PLEKHA6: variants seen among roughly 807,000 people sequenced by gnomAD.
PLEKHA6 encodes the protein pleckstrin homology domain containing A6.
In PLEKHA6, 60 loss-of-function variants were observed where a neutral mutation model predicts 116.7. The observed-to-expected ratio is 0.51, with a 90% CI of 0.42 to 0.64. The LOEUF (loss-of-function observed/expected upper bound fraction) is 0.64, where lower values mean the gene tolerates loss of function less well. PLEKHA6 is among the 30% of genes least tolerant of loss of function. The probability of loss-of-function intolerance (pLI) is 0.00; values close to 1 mark genes in which losing one functional copy is unlikely to be tolerated. For missense variants in PLEKHA6, 1,338 were observed against 1,422.7 expected (o/e 0.94, Z 0.96); for synonymous variants, 489 against 556.1 (o/e 0.88, Z 1.70).
At chr1:204,328,398 T>C (rs745566450) in intron 1 of PLEKHA6, among the ~76,000 whole-genome samples, 9 of 148,020 alleles carry the variant, frequency 6.1e-5, no homozygotes, top group South Asian at 2.1e-4. Flanking sequence ...CAATTTTCTT[T>C]CTTTTTTTTT....
At chr1:204,292,493 C>G (rs1669868649) in intron 1 of PLEKHA6, among the ~76,000 whole-genome samples, 1 of 152,000 alleles carries the variant, frequency 6.6e-6, no homozygotes, top group Non-Finnish European at 1.5e-5. Flanking sequence ...GTCCCTCACC[C>G]TGGCTGATAC....
Position 204,274,742 on chromosome 1 carries a change from A to AT in PLEKHA6, c.-28dup. 1 of 985,858 alleles carries AT rather than the reference A, an allele frequency of 1.0e-6. No individual in the cohort carries two copies. The highest frequency in any genetic ancestry group is 1.2e-6 in the Non-Finnish European group (1 of 829,970). 61.1% of individuals were successfully genotyped at this position (985,858 alleles called of 1,614,324 possible). On this transcript the variant is annotated 5_prime_UTR_variant, in exon 2 of 23. Coordinates refer to ENST00000272203, the MANE Select transcript of PLEKHA6 (RefSeq NM_014935.5). ...GGACACACTTACATTTTCAAGTCAA[A>AT]TTTTTTGTTTTCCTCTGGGACCTGG...
At position 204,365,453 on chromosome 1, in the gene PLEKHA6, T is replaced by C. The variant is rs78539215; in HGVS notation, c.218+2346A>G. ...GGTTGAGAGATATTTGGGAGGAGAA[T>C]TGACAGGACCCATGGGGGAGGCATG... On this transcript the variant is annotated intron_variant, in intron 3 of 4. Coordinates refer to the PLEKHA6 transcript ENST00000564627. Among the ~76,000 whole-genome samples the C allele has an allele frequency of 5.0e-3, 760 of 151,992 alleles. 21 individuals carry two copies. In the East Asian group the frequency reaches 0.07, roughly 14 times the overall value.
At chr1:204,280,396 G>C in intron 1 of PLEKHA6, 1 of 985,274 alleles carries the variant, frequency 1.0e-6, no homozygotes, top group Non-Finnish European at 1.2e-6. Context: ...ACCCCACTGT[G>C]ATCAATATTG....
At chr1:204,335,810 G>A (rs997384526) in intron 1 of PLEKHA6, among the ~76,000 whole-genome samples, 2 of 152,108 alleles carry the variant, frequency 1.3e-5, no homozygotes, top group Admixed American at 1.3e-4. Flanking sequence ...CATGTGGCAT[G>A]GGCAGGGCAC....
At chr1:204,286,498 C>A (rs1449192676) in intron 1 of PLEKHA6, among the ~76,000 whole-genome samples, 2 of 152,126 alleles carry the variant, frequency 1.3e-5, no homozygotes, top group Non-Finnish European at 2.9e-5. Flanking sequence ...ATAAGTGACA[C>A]CTGAGTAACA....
At position 204,345,822 on chromosome 1, in the gene PLEKHA6, C is replaced by T. The variant is rs950880029; in HGVS notation, c.-95+13872G>A. On this transcript the variant is annotated intron_variant, in intron 1 of 22. Transcript: ENST00000272203. ...CTCCTTTCTCTGCTGAGTCACTTGA[C>T]CTTAATGGTAAGAGACCAGAAGCCC... Among the ~76,000 whole-genome samples the T allele has an allele frequency of 2.0e-5, 3 of 152,194 alleles. No homozygotes were observed. In the South Asian group the frequency reaches 6.2e-4, roughly 31 times the overall value.
rs1233345118 is a variant in PLEKHA6 at position 204,248,984 on chromosome 1, G to A, written c.1675-14C>T. On this transcript the variant is annotated splice_polypyrimidine_tract_variant and intron_variant, in intron 11 of 22. Coordinates refer to ENST00000272203, the MANE Select transcript of PLEKHA6 (RefSeq NM_014935.5). ...TTCCAGGCTCTCCTGAAGAAAGGCA[G>A]GGGAATGACATGAGCAGCCCTGACA... 1.9e-6 allele frequency: 3 copies of A among 1,613,314 alleles called. No individual in the cohort carries two copies. The African/African-American group carries it at 4.0e-5, about 21-fold the overall frequency.
chr1:204,250,672 A>G (rs1258793148), intron 9 of PLEKHA6, 58 bp from the exon 10 acceptor site: 1 of 1,174,786 alleles, frequency 8.5e-7, no homozygotes. Flanking sequence ...ATGCAGGGAT[A>G]GGAAGCTAAC....
chr1:204,290,758 G>A (rs1393358028), intron 1 of PLEKHA6, among the ~76,000 whole-genome samples: 2 of 152,188 alleles, frequency 1.3e-5, no homozygotes, highest in East Asian at 3.8e-4. Flanking sequence ...CGGGTGCCAA[G>A]GTGGGGAGAT....
chr1:204,245,635 G>A lies in PLEKHA6; in HGVS notation c.2012C>T (p.Thr671Met), dbSNP rs767397527. The change falls in exon 14 of 23, where the codon ACG becomes ATG. Residue 671 changes from threonine (T) to methionine (M), a missense_variant. Physicochemically the swap from Thr to Met is moderately conservative, Grantham distance 81. Around this residue, in one of 3 missense-constraint regions of PLEKHA6, gnomAD observed 1,136 missense variants for 1,163.6 expected, o/e 0.98. Coordinates refer to ENST00000272203, the MANE Select transcript of PLEKHA6 (RefSeq NM_014935.5). ...GLRKNNPSRG[T>M]DTAKHRGGLG... ...CCCACCTCTGTGCTTGGCGGTGTCC[G>A]TGCCCCGGGAGGGGTTGTTCTTCCT... is the stretch of plus-strand genomic sequence containing the variant. 15 of 1,611,242 alleles carry A rather than the reference G, an allele frequency of 9.3e-6. No individual in the cohort carries two copies. The highest frequency in any genetic ancestry group is 3.3e-4 in the Middle Eastern group (2 of 6,078).
At position 204,372,913 on chromosome 1, in the gene PLEKHA6, C is replaced by CT. The variant is rs58973900; in HGVS notation, c.84-1308dup. ...CAATCATACATCTTTCCCTGAAAAA[C>CT]TTTTTTTTTTTTTTTTGACGGTCTC... is the stretch of plus-strand genomic sequence containing the variant. On this transcript the variant is annotated intron_variant, in intron 1 of 4. Transcript: ENST00000564627. 9.8e-5 allele frequency among the ~76,000 whole-genome samples: 13 copies of CT among 132,588 alleles called. 1 individual carries two copies. The South Asian group carries it at 9.8e-4, about 10-fold the overall frequency. The allele number at this position is 132,588 out of a possible 152,430, so 87.0% of individuals were successfully genotyped here. A position where few individuals can be genotyped will look rare whatever the true frequency, so the allele number is the denominator to read the frequency against.
In PLEKHA6 at chr1:204,265,366, C is replaced by T. The variant is rs570693988; in HGVS notation, c.281-324G>A. On this transcript the variant is annotated intron_variant, in intron 5 of 22. Coordinates refer to ENST00000272203, the MANE Select transcript of PLEKHA6 (RefSeq NM_014935.5). The stretch of plus-strand genomic sequence containing the variant: ...GAAATAACAGCTGATATTTTGGAAG[C>T]GTTCAGGCACTGTTCTAAGTGAAAT... Among the ~76,000 whole-genome samples the T allele has an allele frequency of 1.4e-4, 21 of 152,256 alleles. No homozygotes were observed. The East Asian group carries it at 3.3e-3, about 24-fold the overall frequency.
intron 1 of PLEKHA6, among the ~76,000 whole-genome samples, chr1:204,372,331 C>CTGTGT (rs1287053659): frequency 6.6e-6 from 1 of 152,146 alleles, no homozygotes; most frequent in African/African-American, 2.4e-5. Context: ...CACAGACCCT[C>CTGTGT]TGGGCTCTAG....
chr1:204,230,494 G>A lies in PLEKHA6; in HGVS notation c.2502C>T (p.Gly834=), dbSNP rs1422502139. ...QIDRMRRHQS[G]SMREKRRSLQ... is the part of the protein sequence containing the mutation. ...GGCTCCTCCGCTTCTCCCTCATGGA[G>A]CCACTCTGGTGCCGCCGCATTCGGT... is the stretch of plus-strand genomic sequence containing the variant. Residue 834 remains glycine, a synonymous_variant, in exon 18 of 23, where the codon GGC becomes GGT. Coordinates refer to ENST00000272203, the MANE Select transcript of PLEKHA6 (RefSeq NM_014935.5). 1.0e-5 allele frequency: 16 copies of A among 1,586,274 alleles called. No homozygotes were observed. The highest frequency in any genetic ancestry group is 1.4e-5 in the Non-Finnish European group (16 of 1,166,100).
chr1:204,329,391 A>G (rs1672367099), intron 1 of PLEKHA6, among the ~76,000 whole-genome samples: 1 of 151,968 alleles, frequency 6.6e-6, no homozygotes, highest in Non-Finnish European at 1.5e-5. Context: ...CTACCACAAC[A>G]CCTCCCAGAG....
At chr1:204,362,747 A>G (rs376267892), upstream of PLEKHA6, among the ~76,000 whole-genome samples, 75 of 152,212 alleles carry the variant, frequency 4.9e-4, no homozygotes, top group Admixed American at 2.4e-3. Flanking sequence ...GAGTCTTGCT[A>G]TGTTGCCCAG....
At chr1:204,340,091 T>C (rs769189133) in intron 1 of PLEKHA6, among the ~76,000 whole-genome samples, 6 of 152,110 alleles carry the variant, frequency 3.9e-5, no homozygotes, top group Non-Finnish European at 7.3e-5. Context: ...AAAAATGGGG[T>C]CATGACCGCA....
chr1:204,332,025 C>T (rs1283427486), intron 1 of PLEKHA6, among the ~76,000 whole-genome samples: 6 of 152,202 alleles, frequency 3.9e-5, no homozygotes, highest in African/African-American at 1.4e-4. Flanking sequence ...CTCCTGGCAG[C>T]CTGCTCCAGG....
Sources: allele counts gnomAD v4.1 joint callset (sites outside exome capture counted in the v4.1 genomes callset), GRCh38; gene constraint gnomAD v4.1.1; regional missense constraint gnomAD v4.1.1; transcripts MANE v1.5; gene names NCBI Gene and HGNC (gene_info 2026-07-23, HGNC 2026-07-21).